The following GRAMD1B variants were observed in gnomAD, a reference collection of about 807,000 sequenced individuals.
The protein encoded by GRAMD1B is protein Aster-B.
Under a neutral mutation model 99.7 loss-of-function variants are expected in GRAMD1B, and 37 were observed. That is an observed-to-expected ratio of 0.37 (90% CI 0.29 to 0.49). The LOEUF is 0.49. Ranked by LOEUF, GRAMD1B falls within the 20% of genes least tolerant of loss-of-function variation. The pLI is 0.98. For synonymous variants in GRAMD1B, 427 were observed against 387.6 expected (o/e 1.10, Z -1.19); for missense variants, 888 against 1,009.2 (o/e 0.88, Z 1.63).
chr11:123,619,258 C>G (rs759555061), intron 19 of GRAMD1B, 34 bp downstream of exon 19: 1 of 1,549,408 alleles, frequency 6.5e-7, no homozygotes, highest in Non-Finnish European at 8.7e-7. Context: ...TTGCCCTGGT[C>G]TTTGGGAGCG....
intron 7 of GRAMD1B, chr11:123,598,205 G>T: frequency 7.0e-7 from 1 of 1,426,802 alleles, no homozygotes; most frequent in South Asian, 1.1e-5. Flanking sequence ...TTGGGTCCTC[G>T]GTAGGTGTAG....
Position 123,613,632 on chromosome 11 carries a change from T to A in GRAMD1B, c.2201T>A (p.Val734Glu), listed in dbSNP as rs575823580. Residue 734 changes from valine to glutamate, a missense_variant, in exon 16 of 20, where the codon GTG (valine) becomes GAG (glutamate). By Grantham distance (121) the Val-to-Glu change is moderately radical. Coordinates refer to ENST00000635736, the MANE Select transcript of GRAMD1B (RefSeq NM_001387025.1). ...SPVTTPTDED[V>E]GHRIKHVAGS... is the part of the protein sequence containing the mutation. ...GTCACCACGCCCACAGATGAGGATG[T>A]GGGCCACAGGATCAAACATGTGGCA... The A allele has an allele frequency of 4.2e-5, 67 of 1,613,692 alleles. No homozygotes were observed. The East Asian group carries it at 1.3e-3, about 32-fold the overall frequency.
chr11:123,485,291 G>A (rs935452885), intron 2 of GRAMD1B, among the ~76,000 whole-genome samples: 1 of 152,174 alleles, frequency 6.6e-6, no homozygotes, highest in African/African-American at 2.4e-5. Context: ...AGTACCAGAT[G>A]CACTTTCAGC....
At chr11:123,412,488 C>T (rs1464967818) in intron 1 of GRAMD1B, among the ~76,000 whole-genome samples, 1 of 152,160 alleles carries the variant, frequency 6.6e-6, no homozygotes, top group East Asian at 1.9e-4. Flanking sequence ...TCACACAAGC[C>T]AGTGAATACA....
intron 1 of GRAMD1B, among the ~76,000 whole-genome samples, chr11:123,396,973 TG>T (rs1320313787): frequency 1.3e-5 from 2 of 152,200 alleles, no homozygotes; most frequent in African/African-American, 2.4e-5. Flanking sequence ...TCAACTTCAC[TG>T]GGGTATAATT....
At chr11:123,563,543 A>G (rs1328808788) in intron 2 of GRAMD1B, among the ~76,000 whole-genome samples, 2 of 149,078 alleles carry the variant, frequency 1.3e-5, no homozygotes, top group African/African-American at 5.0e-5. Flanking sequence ...GCAAGGCCTC[A>G]CTCTGTCACC....
chr11:123,548,181 G>A (rs900800552), intron 2 of GRAMD1B, among the ~76,000 whole-genome samples: 11 of 150,934 alleles, frequency 7.3e-5, no homozygotes, highest in Admixed American at 7.3e-4. Flanking sequence ...TGGGTGAGTC[G>A]GTGTCTGCAG....
At chr11:123,416,922 G>A (rs1043776314) in intron 1 of GRAMD1B, among the ~76,000 whole-genome samples, 6 of 152,190 alleles carry the variant, frequency 3.9e-5, no homozygotes, top group African/African-American at 1.4e-4. Flanking sequence ...GTTAACTGAG[G>A]CACTGAGAGA....
intron 3 of GRAMD1B, among the ~76,000 whole-genome samples, chr11:123,581,238 T>A (rs1949323166): frequency 6.6e-6 from 1 of 152,232 alleles, no homozygotes; most frequent in African/African-American, 2.4e-5. Context: ...CCTGACTCCC[T>A]TCTTCCTCTT....
At chr11:123,617,497 C>G (rs1592304152) in intron 17 of GRAMD1B, among the ~76,000 whole-genome samples, 1 of 152,262 alleles carries the variant, frequency 6.6e-6, no homozygotes, top group South Asian at 2.1e-4. Flanking sequence ...CCTATCTTCT[C>G]ATTTTTTGTC....
chr11:123,411,891 C>T lies in GRAMD1B; in HGVS notation c.-176+53092C>T, dbSNP rs146793795. 1.4e-3 allele frequency among the ~76,000 whole-genome samples: 206 copies of T among 152,138 alleles called. 1 individual carries two copies. Among genetic ancestry groups the T allele is most frequent in the African/African-American group, 4.6e-3 (192 of 41,490 alleles). ...CTTGAACTCCTGGGCTCAAGCAATC[C>T]GCCTGCCTCACCCTCCAATTTTGAT... On this transcript the variant is annotated intron_variant, in intron 1 of 20. Coordinates refer to the GRAMD1B transcript ENST00000638157.
intron 14 of GRAMD1B, among the ~76,000 whole-genome samples, chr11:123,612,294 G>GTGATAAAAACCCAGAACT (rs1953704086): frequency 6.6e-6 from 1 of 152,128 alleles, no homozygotes; most frequent in Non-Finnish European, 1.5e-5. Context: ...AAAGGTTAAA[G>GTGATAAAAACCCAGAACT]TGATAAAAAC....
At chr11:123,567,009 G>A (rs886875589) in intron 2 of GRAMD1B, among the ~76,000 whole-genome samples, 1 of 152,230 alleles carries the variant, frequency 6.6e-6, no homozygotes, top group African/African-American at 2.4e-5. Context: ...GGTAATGATT[G>A]CCTGGGGTTA....
chr11:123,391,714 C>A (rs962392912), intron 1 of GRAMD1B, among the ~76,000 whole-genome samples: 1 of 152,208 alleles, frequency 6.6e-6, no homozygotes, highest in African/African-American at 2.4e-5. Context: ...CCTTGGCCCC[C>A]CAAAGTGCTG....
chr11:123,566,937 A>G (rs1220962885), intron 2 of GRAMD1B, among the ~76,000 whole-genome samples: 1 of 152,220 alleles, frequency 6.6e-6, no homozygotes, highest in Non-Finnish European at 1.5e-5. Context: ...GGAAAAAACA[A>G]CAACAAGAAA....
At chr11:123,405,973 G>A (rs1947840678) in intron 1 of GRAMD1B, among the ~76,000 whole-genome samples, 3 of 151,208 alleles carry the variant, frequency 2.0e-5, no homozygotes, top group Admixed American at 6.6e-5. Context: ...GGGTTACATC[G>A]TGCTTCTTAT....
intron 1 of GRAMD1B, among the ~76,000 whole-genome samples, chr11:123,457,841 A>G (rs561795955): frequency 3.3e-5 from 5 of 152,226 alleles, no homozygotes; most frequent in Admixed American, 2.0e-4. Flanking sequence ...TCAGCTTCTG[A>G]GTAGCTGAGA....
intron 1 of GRAMD1B, among the ~76,000 whole-genome samples, chr11:123,405,961 C>T (rs1947840281): frequency 1.3e-5 from 2 of 151,534 alleles, no homozygotes; most frequent in Admixed American, 6.6e-5. Context: ...TGTATATATA[C>T]TGGGTTACAT....
At chr11:123,372,737 C>T (rs894820514) in intron 1 of GRAMD1B, among the ~76,000 whole-genome samples, 25 of 152,206 alleles carry the variant, frequency 1.6e-4, no homozygotes, top group African/African-American at 5.3e-4. Flanking sequence ...TTTGTTTTAC[C>T]ACCACACATT....
Sources: allele counts gnomAD v4.1 joint callset (sites outside exome capture counted in the v4.1 genomes callset), GRCh38; gene constraint gnomAD v4.1.1; transcripts MANE v1.5; gene names NCBI Gene and HGNC (gene_info 2026-07-23, HGNC 2026-07-21).